NRG1: variants seen among roughly 807,000 people sequenced by gnomAD.
NRG1 encodes pro-neuregulin-1, membrane-bound isoform.
In NRG1, 18 loss-of-function variants were observed where a neutral mutation model predicts 63.8. The ratio of observed to expected loss-of-function variants is 0.28; its 90% CI spans 0.19 to 0.42. The LOEUF (loss-of-function observed/expected upper bound fraction) is 0.42, where lower values mean the gene tolerates loss of function less well. Ranked by LOEUF, NRG1 falls within the 10% of genes least tolerant of loss-of-function variation. The pLI, the probability that NRG1 is intolerant of heterozygous loss-of-function variation, is 1.00. For missense variants in NRG1, 762 were observed against 814.7 expected (o/e 0.94, Z 0.79); for synonymous variants, 302 against 301.3 (o/e 1.00, Z -0.02).
At chr8:32,165,201 CG>C (rs1563859822) in intron 1 of NRG1, among the ~76,000 whole-genome samples, 2 of 151,500 alleles carry the variant, frequency 1.3e-5, no homozygotes, top group African/African-American at 4.9e-5. Flanking sequence ...TGCAGTGCCT[CG>C]AACATAGTTC....
intron 1 of NRG1, among the ~76,000 whole-genome samples, chr8:32,110,107 T>C (rs1831812215): frequency 6.6e-6 from 1 of 152,210 alleles, no homozygotes; most frequent in Non-Finnish European, 1.5e-5. Context: ...AAATGGTAGC[T>C]ATTTGATTGT....
chr8:32,663,386 T>C lies in NRG1; in HGVS notation c.502+46501T>C, dbSNP rs186382997. On this transcript the variant is annotated intron_variant, in intron 5 of 11. Transcript: ENST00000356819. Reference sequence around the variant, plus strand: ...TACTCTGCTGACATGCATGTATTCCTCAAGGTCAAGCATTTCTTTTATCCA... The same window carrying C: ...TACTCTGCTGACATGCATGTATTCCCCAAGGTCAAGCATTTCTTTTATCCA... 2.6e-5 allele frequency among the ~76,000 whole-genome samples: 4 copies of C among 152,302 alleles called. No homozygotes were observed. In the East Asian group the frequency reaches 5.8e-4, roughly 22 times the overall value.
At chr8:32,584,987 C>T (rs1274444641) in intron 1 of NRG1, among the ~76,000 whole-genome samples, 1 of 152,006 alleles carries the variant, frequency 6.6e-6, no homozygotes, top group Non-Finnish European at 1.5e-5. Context: ...TGTAATTCAA[C>T]TTGAGCAAAG....
intron 1 of NRG1, among the ~76,000 whole-genome samples, chr8:32,071,758 C>A (rs1375135946): frequency 6.6e-6 from 1 of 152,104 alleles, no homozygotes; most frequent in East Asian, 1.9e-4. Context: ...GTGGTTGAGC[C>A]CAGACCTTGG....
intron 1 of NRG1, among the ~76,000 whole-genome samples, chr8:32,232,342 T>G (rs2129469114): frequency 6.6e-6 from 1 of 152,314 alleles, no homozygotes; most frequent in Admixed American, 6.5e-5. Context: ...TGGGTAGTGT[T>G]TTGTTTTGTT....
At chr8:32,371,161 G>A (rs1277740158) in intron 1 of NRG1, among the ~76,000 whole-genome samples, 1 of 152,024 alleles carries the variant, frequency 6.6e-6, no homozygotes, top group Non-Finnish European at 1.5e-5. Context: ...GCAGCGAGCC[G>A]AGATTGTGCC....
At chr8:31,671,113 T>G (rs978995788) in intron 1 of NRG1, among the ~76,000 whole-genome samples, 5 of 151,144 alleles carry the variant, frequency 3.3e-5, no homozygotes, top group Non-Finnish European at 7.4e-5. Context: ...CAGCTCCATC[T>G]GTGTTGCTTC....
chr8:31,981,032 T>C (rs1808981485), intron 1 of NRG1, among the ~76,000 whole-genome samples: 1 of 152,046 alleles, frequency 6.6e-6, no homozygotes, highest in South Asian at 2.1e-4. Context: ...ACCCAGAAGA[T>C]ATTTATGTCT....
intron 5 of NRG1, among the ~76,000 whole-genome samples, chr8:32,676,786 G>A (rs968383819): frequency 2.0e-5 from 3 of 152,120 alleles, no homozygotes; most frequent in Non-Finnish European, 4.4e-5. Flanking sequence ...CTGCAACGTG[G>A]TACTGATAGG....
chr8:32,260,845 C>T (rs567076586), intron 1 of NRG1, among the ~76,000 whole-genome samples: 1 of 152,284 alleles, frequency 6.6e-6, no homozygotes, highest in South Asian at 2.1e-4. Flanking sequence ...TCATTGCTCT[C>T]TTTGCTTTCC....
At chr8:32,043,829 G>A (rs1731892081) in intron 1 of NRG1, among the ~76,000 whole-genome samples, 5 of 151,378 alleles carry the variant, frequency 3.3e-5, no homozygotes, top group Admixed American at 1.3e-4. Flanking sequence ...GATATACTTC[G>A]GTGGAATGCT....
intron 1 of NRG1, among the ~76,000 whole-genome samples, chr8:32,452,167 T>C (rs985103586): frequency 6.6e-6 from 1 of 152,170 alleles, no homozygotes; most frequent in Non-Finnish European, 1.5e-5. Flanking sequence ...AAAATAAACA[T>C]TTAATTGACT....
intron 1 of NRG1, among the ~76,000 whole-genome samples, chr8:32,094,900 T>G (rs1829688322): frequency 6.6e-6 from 1 of 150,614 alleles, no homozygotes; most frequent in Admixed American, 6.6e-5. Flanking sequence ...TGAACTTTAT[T>G]TTTAATTTCA....
intron 1 of NRG1, among the ~76,000 whole-genome samples, chr8:32,216,706 G>T (rs1356303772): frequency 6.7e-6 from 1 of 150,178 alleles, no homozygotes; most frequent in Non-Finnish European, 1.5e-5. Context: ...TATATTTTTA[G>T]ATGTAAATAT....
At chr8:32,700,471 T>C (rs1470265963) in intron 5 of NRG1, among the ~76,000 whole-genome samples, 2 of 152,350 alleles carry the variant, frequency 1.3e-5, no homozygotes, top group South Asian at 2.1e-4. Context: ...AAGACACTTA[T>C]GTGTATTTAT....
chr8:31,972,830 T>A (rs767603773), intron 1 of NRG1, among the ~76,000 whole-genome samples: 10 of 152,194 alleles, frequency 6.6e-5, no homozygotes, highest in Non-Finnish European at 1.5e-4. Flanking sequence ...TGACTGTATA[T>A]CTCACTCTTC....
intron 4 of NRG1, among the ~76,000 whole-genome samples, chr8:32,615,927 C>T (rs1335073171): frequency 2.0e-5 from 3 of 151,908 alleles, no homozygotes; most frequent in African/African-American, 4.8e-5. Flanking sequence ...TTCATTTACA[C>T]GTTTCTGTAA....
chr8:32,280,173 T>C (rs1253741741), intron 1 of NRG1, among the ~76,000 whole-genome samples: 2 of 152,266 alleles, frequency 1.3e-5, no homozygotes, highest in Non-Finnish European at 2.9e-5. Flanking sequence ...GAATAGAATG[T>C]AAGTGTGAAG....
intron 1 of NRG1, among the ~76,000 whole-genome samples, chr8:31,684,747 C>T (rs1166977401): frequency 1.3e-5 from 2 of 151,744 alleles, no homozygotes; most frequent in African/African-American, 4.8e-5. Flanking sequence ...TAAATAAGAG[C>T]ATTTTAAGTT....
Sources: gnomAD v4.1 joint callset for allele counts (sites outside exome capture counted in the v4.1 genomes callset) on GRCh38, gnomAD v4.1.1 for gene constraint, MANE v1.5 for transcripts, NCBI Gene and HGNC (gene_info 2026-07-23, HGNC 2026-07-21) for gene names.